The following EXOC4 variants were observed in gnomAD, a reference collection of about 807,000 sequenced individuals.
The protein encoded by EXOC4 is exocyst complex component 4, also known as SEC8-like 1.
EXOC4 carries 71 observed loss-of-function variants against 107.2 expected under a neutral mutation model. The observed-to-expected ratio is 0.66, with a 90% CI of 0.55 to 0.81. The LOEUF (loss-of-function observed/expected upper bound fraction) is 0.81, where lower values mean the gene tolerates loss of function less well. Ranked by LOEUF, EXOC4 falls within the 30% of genes least tolerant of loss-of-function variation. EXOC4 has a pLI of 0.00. For synonymous variants in EXOC4, 456 were observed against 441.2 expected, an observed-to-expected ratio of 1.03 and a Z score of -0.42; for missense variants, 1,108 against 1,189.6, an observed-to-expected ratio of 0.93 and a Z score of 1.01.
At chr7:133,883,470 A>G (rs552188193) in intron 11 of EXOC4, among the ~76,000 whole-genome samples, 3 of 144,922 alleles carry the variant, frequency 2.1e-5, no homozygotes, top group African/African-American at 7.8e-5. Context: ...GCAAGACTCC[A>G]TCTCTACCAA....
At chr7:133,784,836 AG>A (rs1300904569) in intron 10 of EXOC4, among the ~76,000 whole-genome samples, 1 of 152,204 alleles carries the variant, frequency 6.6e-6, no homozygotes, top group African/African-American at 2.4e-5. Flanking sequence ...AGCTGCACTC[AG>A]GCTAAAGTTT....
chr7:133,558,268 C>T (rs1324047745), intron 9 of EXOC4, among the ~76,000 whole-genome samples: 1 of 81,722 alleles, frequency 1.2e-5, no homozygotes, highest in East Asian at 2.5e-4. Flanking sequence ...AATAAAAGCA[C>T]TTTTTGCCCT....
At chr7:133,529,535 T>C (rs1038662030) in intron 9 of EXOC4, among the ~76,000 whole-genome samples, 3 of 152,218 alleles carry the variant, frequency 2.0e-5, no homozygotes, top group Admixed American at 6.5e-5. Context: ...TAAGAATTAT[T>C]ATCTCATTTT....
chr7:134,011,646 CCTT>C (rs1249327336), intron 17 of EXOC4, among the ~76,000 whole-genome samples: 1 of 152,096 alleles, frequency 6.6e-6, no homozygotes, highest in Non-Finnish European at 1.5e-5. Flanking sequence ...TTTCTTCATT[CCTT>C]CATCAAATAT....
intron 9 of EXOC4, among the ~76,000 whole-genome samples, chr7:133,594,274 T>A (rs570065714): frequency 2.9e-4 from 44 of 152,232 alleles, no homozygotes; most frequent in Admixed American, 1.2e-3. Flanking sequence ...TAAAATCAGA[T>A]AATGAGAGAT....
intron 9 of EXOC4, among the ~76,000 whole-genome samples, chr7:133,582,434 T>A (rs1801300946): frequency 6.6e-6 from 1 of 152,216 alleles, no homozygotes; most frequent in African/African-American, 2.4e-5. Flanking sequence ...ATTGTTAAAG[T>A]GTCCTTATAG....
At chr7:133,253,225 C>T (rs1794932272) in intron 1 of EXOC4, 38 bp downstream of exon 1, 1 of 1,599,082 alleles carries the variant, frequency 6.3e-7, no homozygotes. Context: ...GGACTGGGGG[C>T]AGCGGCTCGA....
intron 9 of EXOC4, among the ~76,000 whole-genome samples, chr7:133,482,956 GC>G (rs1214621309): frequency 6.6e-6 from 1 of 152,006 alleles, no homozygotes. Flanking sequence ...TCCTCTCTCA[GC>G]CTGTCACAAA....
At chr7:133,704,760 A>G (rs1438612734) in intron 10 of EXOC4, among the ~76,000 whole-genome samples, 1 of 152,210 alleles carries the variant, frequency 6.6e-6, no homozygotes, top group African/African-American at 2.4e-5. Context: ...GGAGTGCTGA[A>G]TAAACTGTGT....
At position 133,788,745 on chromosome 7, in the gene EXOC4, G is replaced by A. The variant is rs146310659; in HGVS notation, c.1515-28580G>A. On this transcript the variant is annotated intron_variant, in intron 10 of 17. Transcript: ENST00000253861. ...TGACCTCAGGTGATCCACCTGCCTC[G>A]GCCTCCCAAAGTGCTGGGATTATGG... 2.4e-3 allele frequency among the ~76,000 whole-genome samples: 359 copies of A among 152,162 alleles called. 5 individuals are homozygous for A. Among genetic ancestry groups the A allele is most frequent in the African/African-American group, 8.0e-3 (331 of 41,508 alleles).
At chr7:133,303,323 C>A (rs956608026) in intron 3 of EXOC4, among the ~76,000 whole-genome samples, 1 of 152,064 alleles carries the variant, frequency 6.6e-6, no homozygotes, top group African/African-American at 2.4e-5. Context: ...AATCCCAGCT[C>A]CTCGGGAGGC....
chr7:133,386,825 GT>G (rs34636956), intron 7 of EXOC4, among the ~76,000 whole-genome samples: 2 of 148,754 alleles, frequency 1.3e-5, no homozygotes. Flanking sequence ...TGAAAGGAGA[GT>G]TTTTTTTTTT....
At chr7:133,478,525 C>T (rs1239675434) in intron 8 of EXOC4, among the ~76,000 whole-genome samples, 1 of 152,090 alleles carries the variant, frequency 6.6e-6, no homozygotes, top group Non-Finnish European at 1.5e-5. Flanking sequence ...AGGTGAGACT[C>T]AATCTCTAGT....
At chr7:133,608,118 G>A (rs759075318) in intron 9 of EXOC4, among the ~76,000 whole-genome samples, 1 of 152,096 alleles carries the variant, frequency 6.6e-6, no homozygotes, top group Non-Finnish European at 1.5e-5. Flanking sequence ...GGGGTTTATT[G>A]TTAAGCTAGA....
chr7:133,317,422 T>C, intron 5 of EXOC4, 32 bp downstream of exon 5: 1 of 1,434,346 alleles, frequency 7.0e-7, no homozygotes, highest in South Asian at 1.2e-5. Flanking sequence ...CACTAAGCTT[T>C]TTAGTATGTC....
chr7:133,846,356 C>T (rs1199824419), intron 11 of EXOC4, among the ~76,000 whole-genome samples: 2 of 152,130 alleles, frequency 1.3e-5, no homozygotes, highest in African/African-American at 4.8e-5. Flanking sequence ...GAAGTTAATC[C>T]AGTACCTTGT....
At chr7:133,682,382 G>A (rs946098646) in intron 10 of EXOC4, among the ~76,000 whole-genome samples, 2 of 152,132 alleles carry the variant, frequency 1.3e-5, no homozygotes, top group Admixed American at 6.6e-5. Flanking sequence ...TAGTGAATAA[G>A]TCTCACGAGA....
intron 7 of EXOC4, among the ~76,000 whole-genome samples, chr7:133,444,115 G>A (rs972613683): frequency 1.3e-5 from 2 of 152,080 alleles, no homozygotes; most frequent in African/African-American, 4.8e-5. Context: ...ATTGTGCATA[G>A]CCATGGGTTC....
At chr7:133,726,386 G>A (rs1795215726) in intron 10 of EXOC4, among the ~76,000 whole-genome samples, 1 of 152,206 alleles carries the variant, frequency 6.6e-6, no homozygotes, top group Non-Finnish European at 1.5e-5. Flanking sequence ...ACACGTATGT[G>A]TGCTGAGTCA....
Sources: allele counts gnomAD v4.1 joint callset (sites outside exome capture counted in the v4.1 genomes callset), GRCh38; gene constraint gnomAD v4.1.1; transcripts MANE v1.5; gene names NCBI Gene and HGNC (gene_info 2026-07-23, HGNC 2026-07-21).